DCLRE1C: variants seen among roughly 807,000 people sequenced by gnomAD.
DCLRE1C encodes protein artemis.
DCLRE1C carries 47 observed loss-of-function variants against 61.4 expected under a neutral mutation model. That is an observed-to-expected ratio of 0.77 (90% CI 0.61 to 0.98). The LOEUF (loss-of-function observed/expected upper bound fraction) is 0.98, where lower values mean the gene tolerates loss of function less well. DCLRE1C is among the 50% of genes least tolerant of loss of function. The pLI is 0.00. For missense variants in DCLRE1C, 858 were observed against 816.0 expected (o/e 1.05, Z -0.63); for synonymous variants, 337 against 287.6 (o/e 1.17, Z -1.74).
intron 9 of DCLRE1C, among the ~76,000 whole-genome samples, chr10:14,931,732 C>T (rs745680535): frequency 6.6e-6 from 1 of 152,034 alleles, no homozygotes; most frequent in Non-Finnish European, 1.5e-5. Context: ...TAAACACGCT[C>T]ATGTCATGAG....
At chr10:14,949,431 A>C (rs7906967) in intron 1 of DCLRE1C, among the ~76,000 whole-genome samples, 15,446 of 152,276 alleles carry the variant, frequency 0.1, 1,089 homozygotes, top group African/African-American at 0.19. Context: ...CTTCGAGCCA[A>C]GCTCTATGGG....
chr10:14,901,923 A>G (rs1588866486), downstream of DCLRE1C, among the ~76,000 whole-genome samples: 3 of 152,322 alleles, frequency 2.0e-5, 1 homozygote, highest in East Asian at 3.9e-4. Context: ...AATTTATTCT[A>G]TTCCTACTTG....
At chr10:14,925,769 A>G (rs1242198672) in intron 11 of DCLRE1C, among the ~76,000 whole-genome samples, 1 of 152,240 alleles carries the variant, frequency 6.6e-6, no homozygotes. Context: ...AAGATCACCA[A>G]CAAAAAGCAC....
intron 1 of DCLRE1C, among the ~76,000 whole-genome samples, chr10:14,950,893 A>G (rs1014545504): frequency 6.6e-6 from 1 of 152,062 alleles, no homozygotes; most frequent in Non-Finnish European, 1.5e-5. Flanking sequence ...GGCAACCATC[A>G]TAAATTGTCC....
exon 14 of DCLRE1C, chr10:14,898,198 G>GTTTTTTTTT (rs1833728015): frequency 1.6e-5 from 1 of 64,396 alleles, no homozygotes; most frequent in African/African-American, 6.9e-5. Context: ...AGGTAGTACT[G>GTTTTTTTTT]TTTCTTTTTT....
intron 1 of DCLRE1C, among the ~76,000 whole-genome samples, chr10:14,949,826 C>A (rs534139876): frequency 1.2e-4 from 19 of 152,282 alleles, no homozygotes; most frequent in African/African-American, 4.6e-4. Context: ...AGGCGGATCA[C>A]CTGAGGTCAG....
At position 14,909,147 on chromosome 10, in the gene DCLRE1C, G is replaced by T. The variant is rs80148779; in HGVS notation, c.1340C>A (p.Thr447Lys). The T allele has an allele frequency of 5.6e-6, 9 of 1,614,168 alleles. No homozygotes were observed. The East Asian group carries it at 2.0e-4, about 36-fold the overall frequency. The change falls in exon 14 of 14, where the codon ACA (threonine) becomes AAA (lysine). Residue 447 changes from threonine to lysine, a missense_variant. Thr to Lys is a moderately conservative substitution (Grantham distance 78, BLOSUM62 -1). This residue lies in a region of DCLRE1C where 843 missense variants were observed against 783.5 expected (regional missense o/e 1.08). Transcript: ENST00000378278. ...GGATTCTTCACAATCTACAAAGTTT[G>T]TGAAACGAGAGCTCTGCATACACTC... ...RAECMQSSRFTNFVDCEESNS... is the reference protein window; with the variant it reads ...RAECMQSSRFKNFVDCEESNS...
chr10:14,939,111 T>C (rs1328222238), intron 4 of DCLRE1C, among the ~76,000 whole-genome samples: 2 of 151,916 alleles, frequency 1.3e-5, no homozygotes, highest in African/African-American at 4.8e-5. Flanking sequence ...CCCTTTACTA[T>C]GGGAGGACAC....
intron 13 of DCLRE1C, among the ~76,000 whole-genome samples, chr10:14,912,256 A>G (rs1835380159): frequency 6.6e-6 from 1 of 152,164 alleles, no homozygotes; most frequent in Admixed American, 6.5e-5. Flanking sequence ...AGTTTTCACC[A>G]TGTTGGCCAG....
chr10:14,936,469 A>C, intron 5 of DCLRE1C, 69 bp downstream of exon 5: 6 of 1,369,078 alleles, frequency 4.4e-6, no homozygotes, highest in Non-Finnish European at 5.2e-6. Flanking sequence ...TTAGACCCTA[A>C]AAATTTATTT....
In DCLRE1C at chr10:14,906,155, T is replaced by TGCCTGTGCCTCATAGCTATGTGAACTAAC. The variant is rs1834375553; in HGVS notation, c.*2224_*2252dup. Among the ~76,000 whole-genome samples, 2 of 152,246 alleles carry TGCCTGTGCCTCATAGCTATGTGAACTAAC rather than the reference T, an allele frequency of 1.3e-5. No individual in the cohort carries two copies. The highest frequency in any genetic ancestry group is 2.9e-5 in the Non-Finnish European group (2 of 68,042). On this transcript the variant is annotated 3_prime_UTR_variant, in exon 14 of 14. Transcript: ENST00000378278. The stretch of plus-strand genomic sequence containing the variant: ...AGCCAAACTGCCTGTGTTTGAATTC[T>TGCCTGTGCCTCATAGCTATGTGAACTAAC]GCCTGTGCCTCATAGCTATGTGAAC...
chr10:14,912,008 T>A (rs1304676085), intron 13 of DCLRE1C, among the ~76,000 whole-genome samples: 1 of 152,244 alleles, frequency 6.6e-6, no homozygotes, highest in Non-Finnish European at 1.5e-5. Flanking sequence ...AGTGTGGGAA[T>A]GTTTGGCAGT....
rs1220241844 is a variant in DCLRE1C at position 14,908,829 on chromosome 10, C to T, written c.1658G>A (p.Ser553Asn). The stretch of plus-strand genomic sequence containing the variant: ...AGATAACAAAACAGTATCAGATTGG[C>T]TGTCCCAGCCTTGACTTCCTTGTTC... ...ITEQGSQGWD[S>N]QSDTVLLSSQ... The change falls in exon 14 of 14, where the codon AGC becomes AAC. Residue 553 changes from serine to asparagine, a missense_variant. By Grantham distance (46) the Ser-to-Asn change is conservative. This residue lies in a region of DCLRE1C where 843 missense variants were observed against 783.5 expected (regional missense o/e 1.08). Coordinates refer to ENST00000378278, the MANE Select transcript of DCLRE1C (RefSeq NM_001033855.3). 1.9e-6 allele frequency: 3 copies of T among 1,614,082 alleles called. No individual in the cohort carries two copies. Among genetic ancestry groups the T allele is most frequent in the African/African-American group, 2.7e-5 (2 of 74,928 alleles).
At chr10:14,924,181 C>T (rs1422401768) in intron 11 of DCLRE1C, among the ~76,000 whole-genome samples, 1 of 152,246 alleles carries the variant, frequency 6.6e-6, no homozygotes, top group Non-Finnish European at 1.5e-5. Flanking sequence ...GGAGTGCTTG[C>T]TCTCTCTCAC....
At position 14,908,051 on chromosome 10, in the gene DCLRE1C, G is replaced by C; in HGVS notation, c.*357C>G. The C allele has an allele frequency of 4.7e-6, 1 of 213,936 alleles. No individual in the cohort carries two copies. Among genetic ancestry groups the C allele is most frequent in the Non-Finnish European group, 9.1e-6 (1 of 109,450 alleles). The allele number at this position is 213,936 out of a possible 1,614,324, so 13.3% of individuals were successfully genotyped here. A position where few individuals can be genotyped will look rare whatever the true frequency, so the allele number is the denominator to read the frequency against. ...CTTTTTCTTTTTTAAACAGGGTCTT[G>C]CTCTGTCACCCAGACTAGAGGTGCA... On this transcript the variant is annotated 3_prime_UTR_variant, in exon 14 of 14. Coordinates refer to ENST00000378278, the MANE Select transcript of DCLRE1C (RefSeq NM_001033855.3).
At chr10:14,949,424 C>T (rs750708990) in intron 1 of DCLRE1C, among the ~76,000 whole-genome samples, 35 of 152,324 alleles carry the variant, frequency 2.3e-4, no homozygotes, top group Middle Eastern at 3.4e-3. Context: ...AACCATCCTT[C>T]GAGCCAAGCT....
chr10:14,902,716 T>C, downstream of DCLRE1C: 1 of 394,096 alleles, frequency 2.5e-6, no homozygotes, highest in South Asian at 4.1e-5. Flanking sequence ...AGTCGACATA[T>C]TTATAGTGCT....
downstream of DCLRE1C, chr10:14,904,296 CTG>C (rs1270173171): frequency 7.4e-6 from 1 of 134,436 alleles, no homozygotes; most frequent in Non-Finnish European, 1.5e-5. Context: ...CACAGTAAGA[CTG>C]TCTCCAAAAA....
Position 14,949,063 on chromosome 10 carries a change from G to T in DCLRE1C, c.134C>A (p.Pro45His). Residue 45 changes from proline (P) to histidine (H), a missense_variant, in exon 2 of 14, where the codon CCT becomes CAT. By Grantham distance (77) the Pro-to-His change is moderately conservative. Coordinates refer to ENST00000378278, the MANE Select transcript of DCLRE1C (RefSeq NM_001033855.3). ...GCACTCCAACCTTCTTTTCAAGGTA[G>T]GGGCTCTTAATCCTTTCATGTGATC... ...HKDHMKGLRAPTLKRRLECSL... is the reference protein window; with the variant it reads ...HKDHMKGLRAHTLKRRLECSL... 1 of 1,611,664 alleles carries T rather than the reference G, an allele frequency of 6.2e-7. No individual in the cohort carries two copies. The highest frequency in any genetic ancestry group is 8.5e-7 in the Non-Finnish European group (1 of 1,178,040).
Sources: gnomAD v4.1 joint callset for allele counts (sites outside exome capture counted in the v4.1 genomes callset) on GRCh38, gnomAD v4.1.1 for gene constraint, gnomAD v4.1.1 regional missense constraint, MANE v1.5 for transcripts, NCBI Gene and HGNC (gene_info 2026-07-23, HGNC 2026-07-21) for gene names.